SNX16: variants seen among roughly 807,000 people sequenced by gnomAD.
SNX16 encodes the protein sorting nexin-16.
In SNX16, 35 loss-of-function variants were observed where a neutral mutation model predicts 36.7. The observed-to-expected ratio is 0.95, with a 90% CI of 0.73 to 1.27. The LOEUF (loss-of-function observed/expected upper bound fraction) is 1.27, where lower values mean the gene tolerates loss of function less well. Among genes scored for constraint, SNX16 ranks in the 50% most tolerant of loss-of-function variants. SNX16 has a pLI of 0.00. For synonymous variants in SNX16, 134 were observed against 132.0 expected (o/e 1.02, Z -0.10); for missense variants, 367 against 393.6 (o/e 0.93, Z 0.57).
At chr8:81,829,817 T>C (rs1026813393) in intron 2 of SNX16, among the ~76,000 whole-genome samples, 1 of 152,138 alleles carries the variant, frequency 6.6e-6, no homozygotes, top group African/African-American at 2.4e-5. Flanking sequence ...TAAAATTGAT[T>C]AAAAAATTAT....
At chr8:81,826,155 GA>G (rs1811011921) in intron 3 of SNX16, among the ~76,000 whole-genome samples, 1 of 152,036 alleles carries the variant, frequency 6.6e-6, no homozygotes. Flanking sequence ...AAAATTGCCA[GA>G]AAGACAGTGA....
At chr8:81,821,332 T>C (rs72686461) in intron 4 of SNX16, among the ~76,000 whole-genome samples, 436 of 152,094 alleles carry the variant, frequency 2.9e-3, no homozygotes, top group Non-Finnish European at 3.9e-3. Context: ...AACTAAGATC[T>C]ATTATCAGTA....
chr8:81,818,404 T>C (rs1810585181), intron 4 of SNX16, among the ~76,000 whole-genome samples: 1 of 152,090 alleles, frequency 6.6e-6, no homozygotes. Context: ...TAGTTCAGGT[T>C]GCAAATGTAC....
chr8:81,810,885 G>C (rs1810210491), intron 5 of SNX16, among the ~76,000 whole-genome samples: 1 of 152,066 alleles, frequency 6.6e-6, no homozygotes, highest in Admixed American at 6.6e-5. Flanking sequence ...GAGTGTATGA[G>C]AAATCCTAAC....
At chr8:81,816,512 C>T (rs1466213234) in intron 4 of SNX16, among the ~76,000 whole-genome samples, 1 of 151,752 alleles carries the variant, frequency 6.6e-6, no homozygotes, top group East Asian at 1.9e-4. Flanking sequence ...TCTTGATACA[C>T]TACAAAAAGG....
rs144242126 is a variant in SNX16, at chr8:81,839,666, T to C, written c.321A>G (p.Pro107=). Residue 107 remains proline (P), a synonymous_variant, in exon 2 of 8, where the codon CCA becomes CCG. Coordinates refer to ENST00000345957, the MANE Select transcript of SNX16 (RefSeq NM_152836.3). ...NPETVNWEDR[P]STPTILGYEV... is the part of the protein sequence containing the mutation. ...CATAACCCAGTATAGTAGGTGTAGA[T>C]GGTCTATCTTCCCAATTCACTGTTT... The C allele has an allele frequency of 7.4e-6, 12 of 1,613,680 alleles. No individual in the cohort carries two copies. In the Admixed American group the frequency reaches 8.3e-5, roughly 11 times the overall value.
chr8:81,837,438 T>C (rs1403692458), intron 2 of SNX16, among the ~76,000 whole-genome samples: 2 of 152,218 alleles, frequency 1.3e-5, no homozygotes, highest in Non-Finnish European at 2.9e-5. Context: ...CAAAATACCA[T>C]AAATTTGGTA....
chr8:81,832,122 T>C (rs891470327), intron 2 of SNX16, among the ~76,000 whole-genome samples: 2 of 152,220 alleles, frequency 1.3e-5, no homozygotes, highest in African/African-American at 2.4e-5. Flanking sequence ...TACATGTTCA[T>C]TGCACAAACT....
At position 81,799,801 on chromosome 8, in the gene SNX16, TA is replaced by T. The variant is rs1809602780; in HGVS notation, c.*1695del. 6.6e-6 allele frequency: 1 copy of T among 151,956 alleles called. No homozygotes were observed. The highest frequency in any genetic ancestry group is 1.5e-5 in the Non-Finnish European group (1 of 67,834). 9.4% of individuals were successfully genotyped at this position (151,956 alleles called of 1,614,324 possible). A position where few individuals can be genotyped will look rare whatever the true frequency, so the allele number is the denominator to read the frequency against. ...AACAGACAGGCAACACTATAATATCTAGAATTTGGCAAAGATCTGTTATATA... is the reference window on the plus strand; with the variant it reads ...AACAGACAGGCAACACTATAATATCTGAATTTGGCAAAGATCTGTTATATA... On this transcript the variant is annotated 3_prime_UTR_variant, in exon 8 of 8. Transcript: ENST00000345957.
chr8:81,802,730 T>A (rs1809760073), intron 6 of SNX16, among the ~76,000 whole-genome samples: 1 of 151,794 alleles, frequency 6.6e-6, no homozygotes, highest in Admixed American at 6.6e-5. Flanking sequence ...AACCAGAGCT[T>A]TCATATGTGA....
chr8:81,822,947 C>CATATATAT (rs949455303), intron 4 of SNX16, among the ~76,000 whole-genome samples: 593 of 52,166 alleles, frequency 0.011, 3 homozygotes, highest in African/African-American at 0.03. Context: ...TATACATATA[C>CATATATAT]ATATATATAT....
At chr8:81,805,956 TA>T (rs1809921669) in intron 5 of SNX16, among the ~76,000 whole-genome samples, 1 of 152,026 alleles carries the variant, frequency 6.6e-6, no homozygotes, top group Non-Finnish European at 1.5e-5. Context: ...TTAAAATCTA[TA>T]CAAAATGGTC....
At position 81,837,822 on chromosome 8, in the gene SNX16, A is replaced by G. The variant is rs191427123; in HGVS notation, c.375+1790T>C. 7.2e-3 allele frequency among the ~76,000 whole-genome samples: 1,090 copies of G among 152,230 alleles called. 10 individuals are homozygous for G. Among genetic ancestry groups the G allele is most frequent in the African/African-American group, 0.025 (1,028 of 41,518 alleles). On this transcript the variant is annotated intron_variant, in intron 2 of 7. Coordinates refer to ENST00000345957, the MANE Select transcript of SNX16 (RefSeq NM_152836.3). ...GGCCATCAGTTTATATTTTCTAAAA[A>G]TTTTCTAAAAAGAGAGAGAGAGACA...
intron 4 of SNX16, among the ~76,000 whole-genome samples, chr8:81,819,131 A>G (rs1374190154): frequency 6.6e-6 from 1 of 152,152 alleles, no homozygotes; most frequent in African/African-American, 2.4e-5. Context: ...CAGATAAATG[A>G]TAGTGTGAAG....
chr8:81,840,083 C>G lies in SNX16; in HGVS notation c.-96-1G>C, dbSNP rs1004208773. On this transcript the variant is annotated splice_acceptor_variant, in intron 1 of 7. Coordinates refer to ENST00000345957, the MANE Select transcript of SNX16 (RefSeq NM_152836.3). LOFTEE classifies it low-confidence loss of function (5UTR_SPLICE). ...TATTTTCTTCTTAGGAATTCACTAT[C>G]TAAAAATGAAAAGGACATATTAAAA... 3.6e-6 allele frequency: 5 copies of G among 1,390,128 alleles called. No homozygotes were observed. The highest frequency in any genetic ancestry group is 4.8e-6 in the Non-Finnish European group (5 of 1,036,344). 86.1% of individuals were successfully genotyped at this position (1,390,128 alleles called of 1,614,324 possible).
chr8:81,812,331 G>C (rs1340158658), intron 5 of SNX16, among the ~76,000 whole-genome samples: 3 of 83,262 alleles, frequency 3.6e-5, no homozygotes, highest in African/African-American at 1.4e-4. Context: ...GCTCAATGAA[G>C]CCAAAGCATG....
chr8:81,829,457 G>A lies in SNX16; in HGVS notation c.435C>T (p.Tyr145=). The A allele has an allele frequency of 5.6e-6, 8 of 1,426,684 alleles. No individual in the cohort carries two copies. Among genetic ancestry groups the A allele is most frequent in the South Asian group, 1.7e-5 (1 of 58,906 alleles). 88.4% of individuals were successfully genotyped at this position (1,426,684 alleles called of 1,614,324 possible). A position where few individuals can be genotyped will look rare whatever the true frequency, so the allele number is the denominator to read the frequency against. ...PEESWVVFRR[Y]TDFSRLNDKL... ...TGTCATTAAGCCTAGAGAAGTCAGT[G>A]TATCTTCTGAAAACTACCCAGCTTT... Residue 145 remains tyrosine (Y), a synonymous_variant, in exon 3 of 8, where the codon TAC becomes TAT. Transcript: ENST00000345957.
intron 5 of SNX16, among the ~76,000 whole-genome samples, chr8:81,812,817 C>T (rs183399455): frequency 5.9e-5 from 9 of 152,062 alleles, no homozygotes; most frequent in Admixed American, 1.3e-4. Context: ...ATAATTATTG[C>T]ACTGTATTGT....
chr8:81,799,680 G>A lies in SNX16; in HGVS notation c.*1817C>T, dbSNP rs556760911. 1.3e-5 allele frequency: 2 copies of A among 151,732 alleles called. No homozygotes were observed. The highest frequency in any genetic ancestry group is 2.9e-5 in the Non-Finnish European group (2 of 67,830). 9.4% of individuals were successfully genotyped at this position (151,732 alleles called of 1,614,324 possible). On this transcript the variant is annotated 3_prime_UTR_variant, in exon 8 of 8. Transcript: ENST00000345957. ...TAAATTATAAATATAAATAATAGTG[G>A]TTTACCTAATTAACAGATTTTTTTC...
Sources: allele counts gnomAD v4.1 joint callset (sites outside exome capture counted in the v4.1 genomes callset), GRCh38; gene constraint gnomAD v4.1.1; transcripts MANE v1.5; gene names NCBI Gene and HGNC (gene_info 2026-07-23, HGNC 2026-07-21).